Variants in ARHGAP42 observed in about 807,000 individuals in gnomAD.
ARHGAP42 encodes rho GTPase-activating protein 42.
A neutral mutation model predicts 125.0 loss-of-function variants in ARHGAP42; 63 were observed. That is an observed-to-expected ratio of 0.50 (90% CI 0.41 to 0.62). The LOEUF is 0.62. Ranked by LOEUF, ARHGAP42 falls within the 20% of genes least tolerant of loss-of-function variation. The pLI is 0.00. For missense variants in ARHGAP42, 766 were observed against 1,024.2 expected, an observed-to-expected ratio of 0.75 and a Z score of 3.44; for synonymous variants, 339 against 351.0, an observed-to-expected ratio of 0.97 and a Z score of 0.38.
At chr11:100,949,215 G>T (rs376123346) in intron 11 of ARHGAP42, among the ~76,000 whole-genome samples, 5 of 151,938 alleles carry the variant, frequency 3.3e-5, no homozygotes, top group South Asian at 4.1e-4. Flanking sequence ...TACAGCAATA[G>T]TGCCAAACAA....
intron 3 of ARHGAP42, among the ~76,000 whole-genome samples, chr11:100,829,919 G>A (rs185449292): frequency 4.6e-5 from 7 of 152,254 alleles, no homozygotes; most frequent in African/African-American, 1.4e-4. Context: ...CTAAGTCCTA[G>A]AGTTCATACT....
chr11:100,972,784 G>A (rs1038968035), intron 17 of ARHGAP42, among the ~76,000 whole-genome samples: 2 of 152,086 alleles, frequency 1.3e-5, no homozygotes, highest in African/African-American at 4.8e-5. Flanking sequence ...AAAATTCCTG[G>A]CAATAGATTC....
chr11:100,973,292 T>C lies in ARHGAP42; in HGVS notation c.1668T>C (p.Phe556=), dbSNP rs1858302531. 6.4e-7 allele frequency: 1 copy of C among 1,550,960 alleles called. No individual in the cohort carries two copies. Among genetic ancestry groups the C allele is most frequent in the Admixed American group, 2.0e-5 (1 of 50,918 alleles). ...ETVAAMMNIK[F]QNIVVEILIE... ...TGGCTGCTATGATGAATATTAAATT[T>C]CAGAATATTGTGGTAGAAATTCTGA... Residue 556 remains phenylalanine, a synonymous_variant, in exon 18 of 24, where the codon TTT becomes TTC. Transcript: ENST00000298815.
Position 100,976,052 on chromosome 11 carries a change from C to A in ARHGAP42, c.1856-5C>A. On this transcript the variant is annotated splice_region_variant and splice_polypyrimidine_tract_variant and intron_variant, in intron 19 of 23. Coordinates refer to ENST00000298815, the MANE Select transcript of ARHGAP42 (RefSeq NM_152432.4). ...GCTTTCATCTCTCTCCCTCCTACTC[C>A]TTAGGTGACTCCTATAGCAGCAGCC... The A allele has an allele frequency of 1.3e-6, 2 of 1,506,168 alleles. No individual in the cohort carries two copies. Among genetic ancestry groups the A allele is most frequent in the Non-Finnish European group, 1.8e-6 (2 of 1,125,612 alleles). 93.3% of individuals were successfully genotyped at this position (1,506,168 alleles called of 1,614,324 possible). A position where few individuals can be genotyped will look rare whatever the true frequency, so the allele number is the denominator to read the frequency against.
At chr11:100,773,327 A>G (rs1049939759) in intron 2 of ARHGAP42, among the ~76,000 whole-genome samples, 4 of 152,204 alleles carry the variant, frequency 2.6e-5, no homozygotes, top group African/African-American at 7.2e-5. Context: ...TTCTAATACA[A>G]TGATATATAT....
intron 3 of ARHGAP42, among the ~76,000 whole-genome samples, chr11:100,850,873 CTTTTTTTTT>C (rs201814102): frequency 1.1e-4 from 10 of 94,522 alleles, no homozygotes; most frequent in African/African-American, 4.2e-4. Context: ...TAGTAGCTTT[CTTTTTTTTT>C]TTTTTTTTTT....
chr11:100,954,953 T>C (rs547423597), intron 12 of ARHGAP42, among the ~76,000 whole-genome samples: 3 of 152,296 alleles, frequency 2.0e-5, no homozygotes, highest in Admixed American at 2.0e-4. Context: ...GCAAAGTGAA[T>C]TAAAAATTAA....
At chr11:100,876,491 C>A (rs1002063536) in intron 4 of ARHGAP42, among the ~76,000 whole-genome samples, 3 of 152,228 alleles carry the variant, frequency 2.0e-5, no homozygotes, top group Admixed American at 6.5e-5. Context: ...ATCCTCCCAA[C>A]AACATTTGTT....
At chr11:100,751,773 CTTTT>C (rs757372755) in intron 1 of ARHGAP42, among the ~76,000 whole-genome samples, 8 of 84,418 alleles carry the variant, frequency 9.5e-5, no homozygotes, top group African/African-American at 1.5e-4. Flanking sequence ...AGACAGGCAC[CTTTT>C]TTTTTTTTTT....
chr11:100,911,175 T>A (rs1183313781), intron 4 of ARHGAP42, among the ~76,000 whole-genome samples: 1 of 152,228 alleles, frequency 6.6e-6, no homozygotes, highest in Non-Finnish European at 1.5e-5. Flanking sequence ...GAGTTAGGAC[T>A]GTTTGTACAG....
At chr11:100,731,852 C>A (rs1418312226) in intron 1 of ARHGAP42, among the ~76,000 whole-genome samples, 1 of 152,200 alleles carries the variant, frequency 6.6e-6, no homozygotes, top group East Asian at 1.9e-4. Context: ...CTTCCCTCAC[C>A]ATCTCAAAGA....
chr11:100,964,042 T>G (rs2135303882), intron 16 of ARHGAP42, among the ~76,000 whole-genome samples: 1 of 152,002 alleles, frequency 6.6e-6, no homozygotes, highest in African/African-American at 2.4e-5. Flanking sequence ...ATATCTTATA[T>G]ATCTTATATA....
chr11:100,724,909 CTTAA>C (rs1236380991), intron 1 of ARHGAP42, among the ~76,000 whole-genome samples: 3 of 151,868 alleles, frequency 2.0e-5, no homozygotes, highest in Non-Finnish European at 2.9e-5. Context: ...AAGGCAGAAG[CTTAA>C]TTAATGCTTT....
At chr11:100,833,606 G>T (rs1222233613) in intron 3 of ARHGAP42, among the ~76,000 whole-genome samples, 1 of 152,168 alleles carries the variant, frequency 6.6e-6, no homozygotes, top group Non-Finnish European at 1.5e-5. Flanking sequence ...ATTTCTTACT[G>T]CATGTGATCT....
At chr11:100,960,170 C>G (rs1368463395) in intron 13 of ARHGAP42, among the ~76,000 whole-genome samples, 1 of 151,866 alleles carries the variant, frequency 6.6e-6, no homozygotes, top group East Asian at 1.9e-4. Flanking sequence ...TTTTCTAATA[C>G]AGCCTCACTA....
At chr11:100,718,090 A>G (rs1037540163) in intron 1 of ARHGAP42, among the ~76,000 whole-genome samples, 2 of 150,008 alleles carry the variant, frequency 1.3e-5, no homozygotes, top group Non-Finnish European at 2.9e-5. Flanking sequence ...ATTGAGGTAC[A>G]TTATCTTATG....
chr11:100,731,961 C>CTT (rs71303301), intron 1 of ARHGAP42, among the ~76,000 whole-genome samples: 1 of 144,262 alleles, frequency 6.9e-6, no homozygotes, highest in Admixed American at 6.9e-5. Context: ...TTTTCTTTTT[C>CTT]TTTTTTTTTT....
intron 3 of ARHGAP42, among the ~76,000 whole-genome samples, chr11:100,819,448 A>C (rs1425402820): frequency 2.0e-5 from 3 of 152,142 alleles, no homozygotes; most frequent in African/African-American, 7.2e-5. Context: ...ATAGGTTACC[A>C]AGTGAATGCC....
chr11:100,701,693 G>T (rs1178489807), intron 1 of ARHGAP42, among the ~76,000 whole-genome samples: 1 of 152,158 alleles, frequency 6.6e-6, no homozygotes, highest in East Asian at 1.9e-4. Context: ...TAGGACCTTG[G>T]TCTGGATGAG....
Sources: allele counts gnomAD v4.1 joint callset (sites outside exome capture counted in the v4.1 genomes callset), GRCh38; gene constraint gnomAD v4.1.1; transcripts MANE v1.5; gene names NCBI Gene and HGNC (gene_info 2026-07-23, HGNC 2026-07-21).